The following GPR157 variants were observed in gnomAD, a reference collection of about 807,000 sequenced individuals.
The protein encoded by GPR157 is G-protein coupled receptor 157.
A neutral mutation model predicts 23.5 loss-of-function variants in GPR157; 16 were observed. The observed-to-expected ratio is 0.68, with a 90% CI of 0.46 to 1.04. GPR157 has a LOEUF of 1.04. Ranked by LOEUF, GPR157 falls within the 50% of genes least tolerant of loss-of-function variation. GPR157 has a pLI of 0.00. For missense variants in GPR157, 440 were observed against 460.7 expected (o/e 0.96, Z 0.41); for synonymous variants, 200 against 221.5 (o/e 0.90, Z 0.86).
rs964903649 is a variant in GPR157 at position 9,103,419 on chromosome 1, C to T, written c.*1000G>A. ...CCTCAGGTGATCTGCCTGCCTTGGC[C>T]TCCCAAAGTGCTAGGGTTACAGGTG... On this transcript the variant is annotated 3_prime_UTR_variant, in exon 4 of 4. Coordinates refer to ENST00000377411, the MANE Select transcript of GPR157 (RefSeq NM_024980.5). 6.6e-6 allele frequency: 1 copy of T among 152,254 alleles called. No individual in the cohort carries two copies. Among genetic ancestry groups the T allele is most frequent in the Admixed American group, 6.5e-5 (1 of 15,282 alleles). The allele number at this position is 152,254 out of a possible 1,614,324, so 9.4% of individuals were successfully genotyped here.
intron 1 of GPR157, among the ~76,000 whole-genome samples, chr1:9,116,481 T>G (rs1481578315): frequency 7.2e-6 from 1 of 138,060 alleles, no homozygotes; most frequent in Admixed American, 8.3e-5. Context: ...TTTTTTTTAT[T>G]TTATTATTCC....
intron 1 of GPR157, among the ~76,000 whole-genome samples, chr1:9,123,231 T>A (rs1266859207): frequency 2.0e-5 from 2 of 101,570 alleles, no homozygotes; most frequent in African/African-American, 8.8e-5. Context: ...AATATATATT[T>A]AAATATATAT....
rs1408188168 is a variant in GPR157 at position 9,111,385 on chromosome 1, G to C, written c.488C>G (p.Ala163Gly). 5.0e-6 allele frequency: 8 copies of C among 1,614,170 alleles called. No homozygotes were observed. The South Asian group carries it at 8.8e-5, about 18-fold the overall frequency. The change falls in exon 2 of 4, where the codon GCC becomes GGC. Residue 163 changes from alanine (A) to glycine (G), a missense_variant. By Grantham distance (60) the Ala-to-Gly change is moderately conservative (BLOSUM62 0). Coordinates refer to ENST00000377411, the MANE Select transcript of GPR157 (RefSeq NM_024980.5). ...CAGCATCCACAGGACATGGTCCTTG[G>C]CCTCCAGGTCGATCCAGCACCAGCC... ...SVGWCWIDLE[A>G]KDHVLWMLLT...
At position 9,123,319 on chromosome 1, in the gene GPR157, AAAT is replaced by A. The variant is rs1638859452; in HGVS notation, c.383+5323_383+5325del. ...ATATATTTAATTTAAATATATATTA[AAAT>A]ATATATATTTAATTTAAATATATAT... On this transcript the variant is annotated intron_variant, in intron 1 of 3. Coordinates refer to ENST00000377411, the MANE Select transcript of GPR157 (RefSeq NM_024980.5). Among the ~76,000 whole-genome samples the A allele has an allele frequency of 7.9e-4, 20 of 25,352 alleles. 1 individual carries two copies. Among genetic ancestry groups the A allele is most frequent in the Admixed American group, 5.5e-4 (1 of 1,826 alleles). The allele number at this position is 25,352 out of a possible 152,430, so 16.6% of individuals were successfully genotyped here. A position where few individuals can be genotyped will look rare whatever the true frequency, so the allele number is the denominator to read the frequency against.
intron 1 of GPR157, among the ~76,000 whole-genome samples, chr1:9,114,174 C>A (rs926623701): frequency 1.3e-5 from 2 of 151,650 alleles, no homozygotes; most frequent in African/African-American, 4.8e-5. Flanking sequence ...ACCAAAAATA[C>A]AAAAATTAGC....
rs533494281 is a variant in GPR157 at position 9,115,886 on chromosome 1, T to C, written c.384-4397A>G. Reference sequence around the variant, plus strand: ...ATTGCAACACAGGCACACCTAGTCATTTACAGATTGTCTACCGCTGCTTTC... The same window carrying C: ...ATTGCAACACAGGCACACCTAGTCACTTACAGATTGTCTACCGCTGCTTTC... On this transcript the variant is annotated intron_variant, in intron 1 of 3. Transcript: ENST00000377411. 8.0e-5 allele frequency among the ~76,000 whole-genome samples: 12 copies of C among 150,274 alleles called. No individual in the cohort carries two copies. In the East Asian group the frequency reaches 2.2e-3, roughly 27 times the overall value.
chr1:9,108,618 A>G (rs920336051), intron 2 of GPR157, among the ~76,000 whole-genome samples: 6 of 152,178 alleles, frequency 3.9e-5, no homozygotes, highest in Admixed American at 6.5e-5. Flanking sequence ...CCAACTACTA[A>G]TAAAAGTCTA....
chr1:9,117,497 C>T (rs915731246), intron 1 of GPR157, among the ~76,000 whole-genome samples: 6 of 152,326 alleles, frequency 3.9e-5, no homozygotes, highest in East Asian at 1.9e-4. Context: ...CGGTGGCTCA[C>T]GCCTGTAATC....
chr1:9,123,804 A>T (rs11121327), intron 1 of GPR157, among the ~76,000 whole-genome samples: 92,894 of 125,778 alleles, frequency 0.74, 35,112 homozygotes, highest in East Asian at 0.95. Flanking sequence ...TTATATATAT[A>T]TAATATTAAA....
intron 1 of GPR157, among the ~76,000 whole-genome samples, chr1:9,116,566 C>A (rs1387877078): frequency 2.1e-5 from 3 of 145,974 alleles, no homozygotes; most frequent in African/African-American, 5.1e-5. Context: ...CATGGTGAAA[C>A]CCCGTCTCTA....
At position 9,104,599 on chromosome 1, in the gene GPR157, G is replaced by A. The variant is rs775452301; in HGVS notation, c.828C>T (p.Cys276=). Residue 276 remains cysteine, a synonymous_variant, in exon 4 of 4, where the codon TGC becomes TGT. Coordinates refer to ENST00000377411, the MANE Select transcript of GPR157 (RefSeq NM_024980.5). ...IGNTFQGGAN[C]IMFVLCTRAV... is the part of the protein sequence containing the mutation. ...CGCGGGTGCAGAGGACGAACATGATGCAGTTGGCACCTCCCTGAAACGTGT... is the reference window on the plus strand; with the variant it reads ...CGCGGGTGCAGAGGACGAACATGATACAGTTGGCACCTCCCTGAAACGTGT... 2 of 1,612,392 alleles carry A rather than the reference G, an allele frequency of 1.2e-6. No homozygotes were observed. The highest frequency in any genetic ancestry group is 1.7e-6 in the Non-Finnish European group (2 of 1,179,158).
rs999156554 is a variant in GPR157, at chr1:9,100,698, G to A, written c.*3721C>T. ...TACACTTGGGTGACTCAGGGATGCAGGCAGATGAACATTAACCACACTAAC... is the reference window on the plus strand; with the variant it reads ...TACACTTGGGTGACTCAGGGATGCAAGCAGATGAACATTAACCACACTAAC... On this transcript the variant is annotated 3_prime_UTR_variant, in exon 4 of 4. Transcript: ENST00000377411. 2 of 152,320 alleles carry A rather than the reference G, an allele frequency of 1.3e-5. No individual in the cohort carries two copies. The highest frequency in any genetic ancestry group is 2.4e-5 in the African/African-American group (1 of 41,468). 9.4% of individuals were successfully genotyped at this position (152,320 alleles called of 1,614,324 possible).
Position 9,118,047 on chromosome 1 carries a change from T to C in GPR157, c.384-6558A>G, listed in dbSNP as rs1462408815. Among the ~76,000 whole-genome samples the C allele has an allele frequency of 6.6e-6, 1 of 152,274 alleles. No individual in the cohort carries two copies. The stretch of plus-strand genomic sequence containing the variant: ...GCCAATGGCTGGTGCTGTCTGCCTG[T>C]GAGTGGACATCTGCAGCTCACATTC... On this transcript the variant is annotated intron_variant, in intron 1 of 3. Transcript: ENST00000377411. This position sits in a 1 kb window ranked among gnomAD's most constrained non-coding sequence, Gnocchi z 4.6.
chr1:9,123,605 T>A (rs1456291039), intron 1 of GPR157, among the ~76,000 whole-genome samples: 5 of 49,750 alleles, frequency 1.0e-4, no homozygotes, highest in Admixed American at 2.5e-4. Context: ...GTATATTTAA[T>A]ATATATTTAA....
intron 1 of GPR157, among the ~76,000 whole-genome samples, chr1:9,125,218 T>C (rs1001557791): frequency 1.3e-5 from 2 of 152,074 alleles, no homozygotes; most frequent in Non-Finnish European, 2.9e-5. Context: ...ACTTTTTTTT[T>C]CTTTTTCTTT....
intron 1 of GPR157, among the ~76,000 whole-genome samples, chr1:9,117,844 A>C (rs1231922640): frequency 6.6e-6 from 1 of 152,168 alleles, no homozygotes; most frequent in Non-Finnish European, 1.5e-5. Flanking sequence ...AACACCTAAC[A>C]GTTTTTCCCC....
rs140272611 is a variant in GPR157 at position 9,118,427 on chromosome 1, C to T, written c.384-6938G>A. 1.0e-3 allele frequency among the ~76,000 whole-genome samples: 156 copies of T among 152,222 alleles called. No individual in the cohort carries two copies. The highest frequency in any genetic ancestry group is 2.7e-3 in the African/African-American group (114 of 41,538). On this transcript the variant is annotated intron_variant, in intron 1 of 3. Coordinates refer to ENST00000377411, the MANE Select transcript of GPR157 (RefSeq NM_024980.5). This position sits in a 1 kb window ranked among gnomAD's most constrained non-coding sequence, Gnocchi z 4.6. Reference sequence around the variant, plus strand: ...GGAGGCCAAGCTGAGCCTGCCTGGACGGAGGAAGCCCGGGACAGCCACCTC... The same window carrying T: ...GGAGGCCAAGCTGAGCCTGCCTGGATGGAGGAAGCCCGGGACAGCCACCTC...
Position 9,128,871 on chromosome 1 carries a change from G to A in GPR157, c.157C>T (p.Leu53=). The change falls in exon 1 of 4, where the codon CTG becomes TTG. Residue 53 remains leucine (L), a synonymous_variant. Coordinates refer to ENST00000377411, the MANE Select transcript of GPR157 (RefSeq NM_024980.5). This position sits in a 1 kb window ranked among gnomAD's most constrained non-coding sequence, Gnocchi z 6.3. ...RSRARRLLLF[L]SLADLLSAAS... is the part of the protein sequence containing the mutation. The stretch of plus-strand genomic sequence containing the variant: ...GCCGAGAGCAGGTCGGCCAGCGACA[G>A]GAAGAGCAGCAGGCGCCGTGCCCGG... The A allele has an allele frequency of 1.9e-6, 3 of 1,575,430 alleles. No homozygotes were observed. The highest frequency in any genetic ancestry group is 1.7e-6 in the Non-Finnish European group (2 of 1,161,756).
intron 1 of GPR157, among the ~76,000 whole-genome samples, chr1:9,123,089 G>T (rs1012682341): frequency 2.7e-5 from 4 of 149,502 alleles, no homozygotes; most frequent in Non-Finnish European, 4.4e-5. Flanking sequence ...ACGGGAGGTG[G>T]AGGTTGCAGT....
Sources: allele counts gnomAD v4.1 joint callset (sites outside exome capture counted in the v4.1 genomes callset), GRCh38; gene constraint gnomAD v4.1.1; non-coding constraint Gnocchi (gnomAD v3.1); transcripts MANE v1.5; gene names NCBI Gene and HGNC (gene_info 2026-07-23, HGNC 2026-07-21).